Variants in AGBL4 observed in about 807,000 individuals in gnomAD.
AGBL4 encodes cytosolic carboxypeptidase 6.
A neutral mutation model predicts 66.4 loss-of-function variants in AGBL4; 58 were observed. The ratio of observed to expected loss-of-function variants is 0.87; its 90% CI spans 0.71 to 1.09. The LOEUF is 1.09. Among genes scored for constraint, AGBL4 ranks in the 50% least tolerant of loss-of-function variants. The pLI is 0.00. For synonymous variants in AGBL4, 234 were observed against 222.9 expected (o/e 1.05, Z -0.44); for missense variants, 579 against 631.0 (o/e 0.92, Z 0.88).
At chr1:49,198,241 C>A (rs148295179) in intron 4 of AGBL4, among the ~76,000 whole-genome samples, 6 of 152,264 alleles carry the variant, frequency 3.9e-5, no homozygotes, top group African/African-American at 1.4e-4. Context: ...TTCCCACTTT[C>A]TCTTTCCCAG....
chr1:49,496,353 A>G (rs939752349), intron 3 of AGBL4, among the ~76,000 whole-genome samples: 2 of 152,068 alleles, frequency 1.3e-5, no homozygotes, highest in African/African-American at 4.8e-5. Context: ...TAATTAACAT[A>G]CAAAGCCTCA....
chr1:48,967,624 C>G (rs753824196), intron 5 of AGBL4, among the ~76,000 whole-genome samples: 2 of 152,120 alleles, frequency 1.3e-5, no homozygotes, highest in South Asian at 4.1e-4. Flanking sequence ...GCCAAAAGAA[C>G]GCTTCCTGGA....
At chr1:49,897,552 T>C (rs1032222211) in intron 1 of AGBL4, among the ~76,000 whole-genome samples, 1 of 152,038 alleles carries the variant, frequency 6.6e-6, no homozygotes, top group Non-Finnish European at 1.5e-5. Context: ...ACAGATTCAA[T>C]GCAATCCCTG....
intron 2 of AGBL4, among the ~76,000 whole-genome samples, chr1:49,814,086 T>G (rs903658550): frequency 3.9e-5 from 6 of 152,248 alleles, no homozygotes; most frequent in African/African-American, 1.4e-4. Flanking sequence ...TCCCCAGCCA[T>G]GTGGAACCAT....
At chr1:49,784,748 A>C (rs1247710826) in intron 2 of AGBL4, among the ~76,000 whole-genome samples, 1 of 152,084 alleles carries the variant, frequency 6.6e-6, no homozygotes, top group Non-Finnish European at 1.5e-5. Flanking sequence ...TATATCCAGC[A>C]CATATAAAGA....
At chr1:48,777,371 A>T (rs1645150663) in intron 6 of AGBL4, among the ~76,000 whole-genome samples, 1 of 151,898 alleles carries the variant, frequency 6.6e-6, no homozygotes, top group African/African-American at 2.4e-5. Flanking sequence ...CAAAGTGTAA[A>T]CTTGGAAGCC....
At chr1:49,408,018 G>C (rs913244889) in intron 3 of AGBL4, among the ~76,000 whole-genome samples, 1 of 152,130 alleles carries the variant, frequency 6.6e-6, no homozygotes, top group East Asian at 1.9e-4. Context: ...CACATTCCCA[G>C]CTCAGACACC....
chr1:48,660,569 C>T (rs1038589231), intron 7 of AGBL4, among the ~76,000 whole-genome samples: 1 of 152,020 alleles, frequency 6.6e-6, no homozygotes, highest in Non-Finnish European at 1.5e-5. Context: ...CTACATGTAG[C>T]TGAGACACCC....
At chr1:49,361,712 T>C (rs567626327) in intron 3 of AGBL4, among the ~76,000 whole-genome samples, 19 of 152,254 alleles carry the variant, frequency 1.2e-4, no homozygotes, top group Non-Finnish European at 5.9e-5. Context: ...TTAACAAAGA[T>C]ATAGTCTTCC....
chr1:49,784,636 TA>T (rs955048099), intron 2 of AGBL4, among the ~76,000 whole-genome samples: 9 of 151,956 alleles, frequency 5.9e-5, no homozygotes, highest in Admixed American at 3.3e-4. Flanking sequence ...TAACAAAATT[TA>T]AAAACGATAA....
chr1:48,547,844 T>C (rs1031440119), intron 11 of AGBL4, among the ~76,000 whole-genome samples: 1 of 152,104 alleles, frequency 6.6e-6, no homozygotes, highest in African/African-American at 2.4e-5. Context: ...GAGACCAATG[T>C]GGTTTTCATC....
At chr1:48,591,097 C>T in intron 9 of AGBL4, 112 bp from the exon 10 acceptor site, 1 of 751,896 alleles carries the variant, frequency 1.3e-6, no homozygotes, top group South Asian at 2.0e-5. Context: ...CCCACCCCCC[C>T]CCACACACAC....
chr1:49,031,624 T>C (rs769983922), intron 5 of AGBL4, among the ~76,000 whole-genome samples: 2 of 152,006 alleles, frequency 1.3e-5, no homozygotes, highest in African/African-American at 2.4e-5. Context: ...CAAAAAAAGA[T>C]ATATAGATGG....
At chr1:49,258,662 T>G (rs987861207) in intron 3 of AGBL4, among the ~76,000 whole-genome samples, 10 of 152,082 alleles carry the variant, frequency 6.6e-5, no homozygotes, top group South Asian at 4.1e-4. Context: ...TATGTGAAAA[T>G]ACCAAATCTG....
chr1:48,857,218 C>A (rs1353577489), intron 6 of AGBL4, among the ~76,000 whole-genome samples: 1 of 152,160 alleles, frequency 6.6e-6, no homozygotes, highest in Non-Finnish European at 1.5e-5. Flanking sequence ...CTTTAGTTTA[C>A]TCCACCAAAT....
rs1452804478 is a variant in AGBL4, at chr1:48,532,941, A to G, written c.*1232T>C. The G allele has an allele frequency of 6.6e-6, 1 of 152,234 alleles. No homozygotes were observed. The highest frequency in any genetic ancestry group is 1.9e-4 in the East Asian group (1 of 5,188). 9.4% of individuals were successfully genotyped at this position (152,234 alleles called of 1,614,324 possible). Reference sequence around the variant, plus strand: ...ACAACATGACATTTGTAGCCAATCAACATATGGCTCTTTGTCATCATTTCT... The same window carrying G: ...ACAACATGACATTTGTAGCCAATCAGCATATGGCTCTTTGTCATCATTTCT... On this transcript the variant is annotated 3_prime_UTR_variant, in exon 14 of 14. Transcript: ENST00000371839.
At chr1:49,727,025 G>T (rs1185029202) in intron 2 of AGBL4, among the ~76,000 whole-genome samples, 2 of 152,042 alleles carry the variant, frequency 1.3e-5, no homozygotes, top group Admixed American at 1.3e-4. Context: ...GTTATCTCTT[G>T]ATCCTCTTAG....
At chr1:49,350,823 G>A (rs1041379273) in intron 3 of AGBL4, among the ~76,000 whole-genome samples, 4 of 151,140 alleles carry the variant, frequency 2.6e-5, no homozygotes, top group African/African-American at 9.8e-5. Context: ...TTCTCAATAG[G>A]ACCAGGACAG....
intron 11 of AGBL4, among the ~76,000 whole-genome samples, chr1:48,547,230 T>G (rs1284762278): frequency 6.6e-6 from 1 of 152,006 alleles, no homozygotes; most frequent in Non-Finnish European, 1.5e-5. Flanking sequence ...ATTTCCAAAG[T>G]CACTGCTGCA....
Sources: allele counts gnomAD v4.1 joint callset (sites outside exome capture counted in the v4.1 genomes callset), GRCh38; gene constraint gnomAD v4.1.1; transcripts MANE v1.5; gene names NCBI Gene and HGNC (gene_info 2026-07-23, HGNC 2026-07-21).